LRBA: variants seen among roughly 807,000 people sequenced by gnomAD.
LRBA encodes the protein lipopolysaccharide-responsive and beige-like anchor protein.
Under a neutral mutation model 330.0 loss-of-function variants are expected in LRBA, and 176 were observed. The observed-to-expected ratio is 0.53, with a 90% CI of 0.47 to 0.60. The LOEUF (loss-of-function observed/expected upper bound fraction) is 0.60. LRBA is among the 20% of genes least tolerant of loss of function. LRBA has a pLI of 0.00. For synonymous variants in LRBA, 1,230 were observed against 1,193.0 expected (o/e 1.03, Z -0.64); for missense variants, 3,259 against 3,444.8 (o/e 0.95, Z 1.35).
At position 150,809,408 on chromosome 4, in the gene LRBA, T is replaced by C. The variant is rs184633263; in HGVS notation, c.5306-1010A>G. On this transcript the variant is annotated intron_variant, in intron 31 of 56. Transcript: ENST00000651943. ...ACAAAATGAGTTTGAAACATCTAGT[T>C]ATGCTTTGTAGAAAGCAAGGAATGA... Among the ~76,000 whole-genome samples, 4 of 152,300 alleles carry C rather than the reference T, an allele frequency of 2.6e-5. No homozygotes were observed. The East Asian group carries it at 7.7e-4, about 29-fold the overall frequency.
chr4:150,288,793 C>CTTTT (rs1216797652), intron 53 of LRBA, among the ~76,000 whole-genome samples: 5 of 104,048 alleles, frequency 4.8e-5, no homozygotes, highest in African/African-American at 7.1e-5. Context: ...TGTGATTGTT[C>CTTTT]TTTTTTTTTT....
intron 37 of LRBA, among the ~76,000 whole-genome samples, chr4:150,641,228 T>A (rs1289702721): frequency 1.3e-5 from 2 of 152,200 alleles, no homozygotes; most frequent in African/African-American, 4.8e-5. Flanking sequence ...AACATTCCCA[T>A]GAATCCTCAA....
chr4:150,992,265 G>A (rs192823645), intron 2 of LRBA, among the ~76,000 whole-genome samples: 2 of 128,170 alleles, frequency 1.6e-5, no homozygotes, highest in African/African-American at 2.9e-5. Flanking sequence ...GCAGTGAGCC[G>A]AGACTACACC....
At chr4:150,453,978 C>T (rs60249323) in intron 44 of LRBA, among the ~76,000 whole-genome samples, 57,948 of 151,100 alleles carry the variant, frequency 0.38, 12,501 homozygotes, top group Non-Finnish European at 0.51. Context: ...TTTTTTCTTT[C>T]TTTGAGACAG....
At position 150,507,291 on chromosome 4, in the gene LRBA, C is replaced by T. The variant is rs148959730; in HGVS notation, c.6331-16256G>A. Reference sequence around the variant, plus strand: ...CCAAGTCAATCCTAAGCCAAAAGAACAAAGCTGGAGGCATCACTCTTCTTG... The same window carrying T: ...CCAAGTCAATCCTAAGCCAAAAGAATAAAGCTGGAGGCATCACTCTTCTTG... On this transcript the variant is annotated intron_variant, in intron 40 of 56. Transcript: ENST00000651943. Among the ~76,000 whole-genome samples, 28 of 152,244 alleles carry T rather than the reference C, an allele frequency of 1.8e-4. 1 individual carries two copies. The highest frequency in any genetic ancestry group is 1.8e-3 in the Admixed American group (28 of 15,290).
At chr4:150,362,703 G>A (rs187809853) in intron 47 of LRBA, among the ~76,000 whole-genome samples, 7 of 152,240 alleles carry the variant, frequency 4.6e-5, no homozygotes, top group South Asian at 4.1e-4. Flanking sequence ...TACTATTTAC[G>A]AGGCATTAAA....
At chr4:150,731,049 AT>A in intron 36 of LRBA, among the ~76,000 whole-genome samples, 1 of 152,316 alleles carries the variant, frequency 6.6e-6, no homozygotes, top group Admixed American at 6.5e-5. Flanking sequence ...GATGCTCAAA[AT>A]CATTGATCAT....
At chr4:150,393,985 C>T (rs1744369885) in intron 47 of LRBA, among the ~76,000 whole-genome samples, 1 of 152,192 alleles carries the variant, frequency 6.6e-6, no homozygotes, top group South Asian at 2.1e-4. Flanking sequence ...GTAAGAAATG[C>T]AGCAATAGGA....
At chr4:150,521,108 T>C (rs1314573113) in intron 40 of LRBA, among the ~76,000 whole-genome samples, 1 of 152,206 alleles carries the variant, frequency 6.6e-6, no homozygotes, top group Non-Finnish European at 1.5e-5. Flanking sequence ...GTTCATACCT[T>C]CTCTGTTTTT....
intron 47 of LRBA, among the ~76,000 whole-genome samples, chr4:150,366,934 C>T (rs1739543086): frequency 1.3e-5 from 2 of 152,070 alleles, no homozygotes; most frequent in African/African-American, 4.8e-5. Flanking sequence ...ATTCAAGGGC[C>T]TCTCAAGGGC....
intron 47 of LRBA, among the ~76,000 whole-genome samples, chr4:150,403,094 A>G (rs1016386333): frequency 1.3e-5 from 2 of 152,220 alleles, no homozygotes; most frequent in African/African-American, 4.8e-5. Flanking sequence ...GCAGAGTTGC[A>G]TGAAAGCATC....
At chr4:150,795,811 A>G (rs971914337) in intron 34 of LRBA, among the ~76,000 whole-genome samples, 2 of 151,898 alleles carry the variant, frequency 1.3e-5, no homozygotes, top group Non-Finnish European at 2.9e-5. Context: ...TCATTTCTTA[A>G]ATTTAGGCTC....
intron 40 of LRBA, among the ~76,000 whole-genome samples, chr4:150,503,760 G>C (rs533282700): frequency 6.6e-6 from 1 of 152,322 alleles, no homozygotes; most frequent in Admixed American, 6.5e-5. Context: ...TTGACGAGTT[G>C]AGAGAAGAAG....
chr4:150,809,862 TAC>T (rs1743380617), intron 31 of LRBA, among the ~76,000 whole-genome samples: 3 of 40,036 alleles, frequency 7.5e-5, no homozygotes, highest in Non-Finnish European at 1.6e-4. Flanking sequence ...TACGATACGA[TAC>T]GATACGATAC....
At chr4:150,510,500 T>A (rs974019295) in intron 40 of LRBA, among the ~76,000 whole-genome samples, 5 of 152,202 alleles carry the variant, frequency 3.3e-5, no homozygotes, top group Admixed American at 6.5e-5. Flanking sequence ...AATAAATATA[T>A]TAAATGTCTT....
intron 5 of LRBA, among the ~76,000 whole-genome samples, chr4:150,920,447 G>A (rs965304806): frequency 2.0e-5 from 3 of 152,126 alleles, no homozygotes; most frequent in Non-Finnish European, 4.4e-5. Context: ...TACTCAGGAG[G>A]CTGAGGCAGA....
chr4:150,552,575 G>A (rs973959765), intron 40 of LRBA, among the ~76,000 whole-genome samples: 2 of 152,236 alleles, frequency 1.3e-5, no homozygotes, highest in Middle Eastern at 3.4e-3. Flanking sequence ...CAACCACTGT[G>A]GAAGACAGGG....
chr4:150,558,158 C>A (rs1183902917), intron 40 of LRBA, among the ~76,000 whole-genome samples: 2 of 152,130 alleles, frequency 1.3e-5, no homozygotes, highest in Non-Finnish European at 2.9e-5. Context: ...CTTGGCCTCC[C>A]AAAGTGCTAG....
At chr4:150,689,538 T>C (rs1259051202) in intron 36 of LRBA, among the ~76,000 whole-genome samples, 1 of 152,040 alleles carries the variant, frequency 6.6e-6, no homozygotes, top group Non-Finnish European at 1.5e-5. Context: ...ATAGATATAT[T>C]CTCTATTAAA....
Sources: allele counts gnomAD v4.1 joint callset (sites outside exome capture counted in the v4.1 genomes callset), GRCh38; gene constraint gnomAD v4.1.1; transcripts MANE v1.5; gene names NCBI Gene and HGNC (gene_info 2026-07-23, HGNC 2026-07-21).